The following STRADB variants were observed in gnomAD, a reference collection of about 807,000 sequenced individuals.
The protein encoded by STRADB is STE20-related kinase adapter protein beta.
Under a neutral mutation model 52.1 loss-of-function variants are expected in STRADB, and 34 were observed. The observed-to-expected ratio is 0.65, with a 90% confidence interval of 0.50 to 0.87. The LOEUF (loss-of-function observed/expected upper bound fraction) is 0.87. STRADB is among the 40% of genes least tolerant of loss of function. The pLI, the probability that STRADB is intolerant of heterozygous loss-of-function variation, is 0.00. For synonymous variants in STRADB, 133 were observed against 174.5 expected (o/e 0.76, Z 1.87); for missense variants, 340 against 483.9 (o/e 0.70, Z 2.79).
At chr2:201,462,861 A>G (rs1484244747) in intron 3 of STRADB, among the ~76,000 whole-genome samples, 2 of 152,250 alleles carry the variant, frequency 1.3e-5, no homozygotes, top group African/African-American at 4.8e-5. Context: ...TGTATTTATT[A>G]CCAGTGAGTT....
At chr2:201,466,397 T>A (rs1952305286) in intron 3 of STRADB, among the ~76,000 whole-genome samples, 2 of 152,182 alleles carry the variant, frequency 1.3e-5, no homozygotes, top group South Asian at 4.1e-4. Flanking sequence ...AGCAGAAGCA[T>A]AATCTGAAGT....
intron 1 of STRADB, among the ~76,000 whole-genome samples, chr2:201,454,486 T>C (rs1037320374): frequency 6.6e-6 from 1 of 152,182 alleles, no homozygotes; most frequent in African/African-American, 2.4e-5. Context: ...TGCAAACATA[T>C]TGAGGCTTTG....
At chr2:201,456,105 T>A (rs1952123361) in intron 2 of STRADB, among the ~76,000 whole-genome samples, 2 of 152,190 alleles carry the variant, frequency 1.3e-5, no homozygotes, top group Admixed American at 6.5e-5. Flanking sequence ...TTACAGACCC[T>A]TTGGTCTTTG....
In STRADB at chr2:201,480,624, T is replaced by C. The variant is rs1049220146; in HGVS notation, c.*449T>C. On this transcript the variant is annotated 3_prime_UTR_variant, in exon 12 of 12. Coordinates refer to ENST00000194530, the MANE Select transcript of STRADB (RefSeq NM_018571.6). ...TATCTTACATCAGACCCTTTTCTGGTAGAGGGAAAATGTTTGTGCTTTCCC... is the reference window on the plus strand; with the variant it reads ...TATCTTACATCAGACCCTTTTCTGGCAGAGGGAAAATGTTTGTGCTTTCCC... The C allele has an allele frequency of 2.0e-6, 2 of 989,184 alleles. No individual in the cohort carries two copies. Among genetic ancestry groups the C allele is most frequent in the African/African-American group, 3.5e-5 (2 of 57,260 alleles). 61.3% of individuals were successfully genotyped at this position (989,184 alleles called of 1,614,324 possible). A position where few individuals can be genotyped will look rare whatever the true frequency, so the allele number is the denominator to read the frequency against.
At chr2:201,477,970 T>C in intron 8 of STRADB, 117 bp from the exon 9 acceptor site, 1 of 1,167,170 alleles carries the variant, frequency 8.6e-7, no homozygotes. Context: ...TCTTGATTTG[T>C]CGCTTATGGG....
chr2:201,466,510 T>A (rs1168362304), intron 3 of STRADB, among the ~76,000 whole-genome samples: 1 of 152,218 alleles, frequency 6.6e-6, no homozygotes, highest in Non-Finnish European at 1.5e-5. Context: ...GCTCTCTGAG[T>A]CATGCTGTAA....
chr2:201,464,030 A>G lies in STRADB; in HGVS notation c.93+5166A>G, dbSNP rs866859688. Among the ~76,000 whole-genome samples, 111 of 152,092 alleles carry G rather than the reference A, an allele frequency of 7.3e-4. 1 individual carries two copies. Among genetic ancestry groups the G allele is most frequent in the African/African-American group, 2.4e-3 (98 of 41,490 alleles). On this transcript the variant is annotated intron_variant, in intron 3 of 11. Coordinates refer to ENST00000194530, the MANE Select transcript of STRADB (RefSeq NM_018571.6). ...GAACTTCCTCAAAACAGCTATTTCA[A>G]CTTCTCTGTCTGGAAGGTCACGTAT...
rs1019299 is a variant in STRADB at position 201,473,007 on chromosome 2, A to C, written c.246A>C (p.Thr82=). ...TSVHLARHTP[T]GTLVTIKITN... is the part of the protein sequence containing the mutation. The stretch of plus-strand genomic sequence containing the variant: ...TCCATCTTGCACGGCATACTCCCAC[A>C]GGAACACTGGTAACTATAAAAATTA... Residue 82 remains threonine, a synonymous_variant, in exon 5 of 12, where the codon ACA becomes ACC. Coordinates refer to ENST00000194530, the MANE Select transcript of STRADB (RefSeq NM_018571.6). 12 of 1,612,306 alleles carry C rather than the reference A, an allele frequency of 7.4e-6. No individual in the cohort carries two copies. The South Asian group carries it at 1.2e-4, about 16-fold the overall frequency.
chr2:201,480,342 C>T lies in STRADB; in HGVS notation c.*167C>T. 2 of 1,458,490 alleles carry T rather than the reference C, an allele frequency of 1.4e-6. No homozygotes were observed. The highest frequency in any genetic ancestry group is 1.8e-6 in the Non-Finnish European group (2 of 1,110,404). The allele number at this position is 1,458,490 out of a possible 1,614,324, so 90.3% of individuals were successfully genotyped here. A position where few individuals can be genotyped will look rare whatever the true frequency, so the allele number is the denominator to read the frequency against. On this transcript the variant is annotated 3_prime_UTR_variant, in exon 12 of 12. Coordinates refer to ENST00000194530, the MANE Select transcript of STRADB (RefSeq NM_018571.6). ...GTTCAAAGGGGCACCAGTTTGTAGT[C>T]CCTCTGTTTCGCACAGAGTACTATG...
intron 3 of STRADB, among the ~76,000 whole-genome samples, chr2:201,461,338 A>G (rs1319329067): frequency 6.6e-6 from 1 of 151,994 alleles, no homozygotes; most frequent in Non-Finnish European, 1.5e-5. Flanking sequence ...ACAGGTGTGT[A>G]TTACCACACC....
At chr2:201,479,984 T>TA in intron 11 of STRADB, 48 bp from the exon 12 acceptor site, 1 of 1,593,568 alleles carries the variant, frequency 6.3e-7, no homozygotes, top group Non-Finnish European at 8.6e-7. Context: ...ACAAAACTGA[T>TA]ATATTGAAAT....
intron 1 of STRADB, among the ~76,000 whole-genome samples, chr2:201,453,293 T>C (rs967753290): frequency 6.6e-6 from 1 of 152,158 alleles, no homozygotes; most frequent in South Asian, 2.1e-4. Flanking sequence ...CTTGCTGACA[T>C]TGAGTGAAAA....
At chr2:201,473,141 T>G (rs1952417811) in intron 5 of STRADB, 65 bp downstream of exon 5, 2 of 1,424,748 alleles carry the variant, frequency 1.4e-6, no homozygotes, top group African/African-American at 2.9e-5. Context: ...CATCTGCAGA[T>G]TCAACCAATT....
chr2:201,474,703 A>G lies in STRADB; in HGVS notation c.372A>G (p.Thr124=). The change falls in exon 6 of 12, where the codon ACA becomes ACG. Residue 124 remains threonine, a synonymous_variant. Transcript: ENST00000194530. ...ATCCCAATATTACAACTTATTGGAC[A>G]GTTTTCACTGTTGGCAGCTGGCTTT... ...FRHPNITTYW[T]VFTVGSWLWV... 4 of 1,612,142 alleles carry G rather than the reference A, an allele frequency of 2.5e-6. No individual in the cohort carries two copies. The highest frequency in any genetic ancestry group is 3.4e-6 in the Non-Finnish European group (4 of 1,179,500).
intron 11 of STRADB, 28 bp downstream of exon 11, chr2:201,479,559 G>A (rs1423241987): frequency 1.0e-5 from 16 of 1,579,748 alleles, no homozygotes; most frequent in Admixed American, 8.0e-5. Flanking sequence ...CCGTTGTCTC[G>A]ATGTTTTTAA....
At chr2:201,479,267 G>C (rs1952532132) in intron 10 of STRADB, 1 of 493,598 alleles carries the variant, frequency 2.0e-6, no homozygotes, top group Non-Finnish European at 3.6e-6. Flanking sequence ...AGTAAATACT[G>C]TGTGCAGTAA....
intron 2 of STRADB, among the ~76,000 whole-genome samples, 198 bp downstream of exon 2, chr2:201,455,050 T>C (rs1343726350): frequency 6.6e-6 from 1 of 152,232 alleles, no homozygotes; most frequent in Non-Finnish European, 1.5e-5. Flanking sequence ...ACTTCTCGTA[T>C]ACTTCAATAT....
intron 4 of STRADB, among the ~76,000 whole-genome samples, chr2:201,470,993 G>C (rs940796362): frequency 1.3e-5 from 2 of 152,136 alleles, no homozygotes; most frequent in African/African-American, 4.8e-5. Context: ...TGTACTGCCC[G>C]CCACCAGACG....
At chr2:201,453,590 G>A (rs144431002) in intron 1 of STRADB, among the ~76,000 whole-genome samples, 4 of 152,140 alleles carry the variant, frequency 2.6e-5, no homozygotes, top group African/African-American at 7.2e-5. Context: ...GGGTCAAAAA[G>A]TATGAATATT....
Sources: allele counts gnomAD v4.1 joint callset (sites outside exome capture counted in the v4.1 genomes callset), GRCh38; gene constraint gnomAD v4.1.1; transcripts MANE v1.5; gene names NCBI Gene and HGNC (gene_info 2026-07-23, HGNC 2026-07-21).